The following INTS2 variants were observed in gnomAD, a reference collection of about 807,000 sequenced individuals.
INTS2 encodes integrator complex subunit 2.
Under a neutral mutation model 139.6 loss-of-function variants are expected in INTS2, and 57 were observed. The observed-to-expected ratio is 0.41, with a 90% CI of 0.33 to 0.51. INTS2 has a LOEUF of 0.51. INTS2 is among the 20% of genes least tolerant of loss of function. INTS2 has a pLI of 0.28. For missense variants in INTS2, 1,196 were observed against 1,436.7 expected (o/e 0.83, Z 2.71); for synonymous variants, 473 against 493.4 (o/e 0.96, Z 0.55).
At chr17:61,895,501 A>C (rs1328466390) in intron 11 of INTS2, 118 bp from the exon 12 acceptor site, 1 of 569,970 alleles carries the variant, frequency 1.8e-6, no homozygotes, top group African/African-American at 2.0e-5. Flanking sequence ...CAAGTACTCT[A>C]CTCTGTTTTA....
At chr17:61,919,973 T>C (rs2079622280) in intron 4 of INTS2, among the ~76,000 whole-genome samples, 1 of 152,108 alleles carries the variant, frequency 6.6e-6, no homozygotes, top group Non-Finnish European at 1.5e-5. Context: ...TTTCTTTTCA[T>C]AGTCTAGAAC....
Position 61,867,733 on chromosome 17 carries a change from C to T in INTS2, c.3422-7G>A, listed in dbSNP as rs1448057656. The T allele has an allele frequency of 6.4e-7, 1 of 1,573,732 alleles. No individual in the cohort carries two copies. The stretch of plus-strand genomic sequence containing the variant: ...TCCTTTATTTGTTGAAGACCTACAA[C>T]ATAAGGGAAAAAAAACATTAAGGCC... On this transcript the variant is annotated splice_polypyrimidine_tract_variant and splice_region_variant and intron_variant, in intron 24 of 24. Transcript: ENST00000251334. The surrounding 1 kb of genome is among the most constrained non-coding windows in gnomAD (Gnocchi z 5.6).
intron 11 of INTS2, 69 bp from the exon 12 acceptor site, chr17:61,895,452 A>G: frequency 4.5e-6 from 4 of 887,720 alleles, no homozygotes; most frequent in Non-Finnish European, 6.9e-6. Flanking sequence ...TAGGGAACTT[A>G]TCTAAAATGG....
chr17:61,911,474 G>A, intron 7 of INTS2, 46 bp downstream of exon 7: 1 of 1,512,122 alleles, frequency 6.6e-7, no homozygotes, highest in South Asian at 1.3e-5. Flanking sequence ...TTTAGCAGCT[G>A]CTAAAGTATT....
At chr17:61,927,130 C>T (rs2079724252) in intron 1 of INTS2, 1 of 188,828 alleles carries the variant, frequency 5.3e-6, no homozygotes, top group African/African-American at 2.4e-5. Flanking sequence ...ACATGCCTAC[C>T]CCGATATACA....
intron 1 of INTS2, chr17:61,926,973 T>C: frequency 2.7e-6 from 1 of 376,624 alleles, no homozygotes; most frequent in South Asian, 2.6e-5. Flanking sequence ...GTATTACTAG[T>C]TAGAGGCACA....
At position 61,925,095 on chromosome 17, in the gene INTS2, T is replaced by C; in HGVS notation, c.298A>G (p.Lys100Glu). ...DASKEQQLRH[K>E]LGGGSGESIL... is the part of the protein sequence containing the mutation. ...CTCTCTCCACTGCCTCCTCCAAGTTTATGCCTAATGAAGTACAAAACATGT... is the reference window on the plus strand; with the variant it reads ...CTCTCTCCACTGCCTCCTCCAAGTTCATGCCTAATGAAGTACAAAACATGT... The change falls in exon 3 of 25, where the codon AAA (lysine) becomes GAA (glutamate). Residue 100 changes from lysine (K) to glutamate (E), a missense_variant. Physicochemically the swap from Lys to Glu is moderately conservative, Grantham distance 56. Around this residue, in one of 3 missense-constraint regions of INTS2, gnomAD observed 1,129 missense variants for 1,341.9 expected, o/e 0.84. Coordinates refer to ENST00000251334, the MANE Select transcript of INTS2 (RefSeq NM_001351695.2). The C allele has an allele frequency of 6.2e-7, 1 of 1,613,322 alleles. No homozygotes were observed. Among genetic ancestry groups the C allele is most frequent in the Non-Finnish European group, 8.5e-7 (1 of 1,179,336 alleles).
In INTS2 at chr17:61,876,615, G is replaced by A. The variant is rs1464225692; in HGVS notation, c.2456+1272C>T. On this transcript the variant is annotated intron_variant, in intron 18 of 24. Coordinates refer to ENST00000251334, the MANE Select transcript of INTS2 (RefSeq NM_001351695.2). The surrounding 1 kb of genome is among the most constrained non-coding windows in gnomAD (Gnocchi z 4.1). ...GCACCACCATGCCCTGCTAATTTTT[G>A]TATTTTTTGTAGAGACGGGGTTTCA... is the stretch of plus-strand genomic sequence containing the variant. 6.6e-6 allele frequency among the ~76,000 whole-genome samples: 1 copy of A among 152,016 alleles called. No homozygotes were observed. Among genetic ancestry groups the A allele is most frequent in the Non-Finnish European group, 1.5e-5 (1 of 67,970 alleles).
intron 5 of INTS2, among the ~76,000 whole-genome samples, chr17:61,912,601 C>T (rs560896367): frequency 2.2e-4 from 34 of 151,570 alleles, no homozygotes; most frequent in African/African-American, 7.3e-4. Flanking sequence ...CAGCCTGGGG[C>T]GACAAAAGCG....
chr17:61,882,825 T>G lies in INTS2; in HGVS notation c.2090-1654A>C, dbSNP rs1398881027. Among the ~76,000 whole-genome samples the G allele has an allele frequency of 1.3e-5, 2 of 152,204 alleles. No homozygotes were observed. Among genetic ancestry groups the G allele is most frequent in the Non-Finnish European group, 1.5e-5 (1 of 68,038 alleles). On this transcript the variant is annotated intron_variant, in intron 16 of 24. Transcript: ENST00000251334. The surrounding 1 kb of genome is among the most constrained non-coding windows in gnomAD (Gnocchi z 4.7). ...TTCACACATAAGTACCTAATAAATA[T>G]TGTTGCTACCATACTATTATCATCA...
At chr17:61,911,808 C>A in intron 6 of INTS2, 115 bp from the exon 7 acceptor site, 1 of 1,420,578 alleles carries the variant, frequency 7.0e-7, no homozygotes, top group East Asian at 2.3e-5. Flanking sequence ...AACATAAAAA[C>A]CCAGAGAGGA....
intron 16 of INTS2, 115 bp downstream of exon 16, chr17:61,884,786 C>T: frequency 1.5e-6 from 1 of 689,170 alleles, no homozygotes; most frequent in Non-Finnish European, 2.5e-6. Flanking sequence ...AGAGGAATTT[C>T]ACTCTTGAAC....
At position 61,871,241 on chromosome 17, in the gene INTS2, C is replaced by T. The variant is rs927852511; in HGVS notation, c.2778+1024G>A. On this transcript the variant is annotated intron_variant, in intron 20 of 24. Coordinates refer to ENST00000251334, the MANE Select transcript of INTS2 (RefSeq NM_001351695.2). The surrounding 1 kb of genome is among the most constrained non-coding windows in gnomAD (Gnocchi z 4.9). ...GTTCAAGCCATTCTCCTGCCTCAGC[C>T]TCCCAAGTAGCTGGGACTACAGGTT... Among the ~76,000 whole-genome samples the T allele has an allele frequency of 6.6e-6, 1 of 152,172 alleles. No individual in the cohort carries two copies. Among genetic ancestry groups the T allele is most frequent in the African/African-American group, 2.4e-5 (1 of 41,432 alleles).
chr17:61,913,593 G>C (rs1436979615), intron 5 of INTS2, among the ~76,000 whole-genome samples: 2 of 152,088 alleles, frequency 1.3e-5, no homozygotes, highest in Non-Finnish European at 2.9e-5. Context: ...TGGGATTACA[G>C]GTGTGAGCCA....
chr17:61,889,058 CCAAAA>C (rs1471862430), intron 15 of INTS2, among the ~76,000 whole-genome samples: 1 of 133,978 alleles, frequency 7.5e-6, no homozygotes. Context: ...AAAAAACAAA[CCAAAA>C]CAAAACAAAA....
At chr17:61,896,246 A>C (rs2079347644) in intron 11 of INTS2, among the ~76,000 whole-genome samples, 1 of 150,808 alleles carries the variant, frequency 6.6e-6, no homozygotes, top group Non-Finnish European at 1.5e-5. Flanking sequence ...TCTCAAAAAA[A>C]AAAAACAAAA....
At chr17:61,923,430 T>C (rs1039212980) in intron 3 of INTS2, among the ~76,000 whole-genome samples, 1 of 144,914 alleles carries the variant, frequency 6.9e-6, no homozygotes, top group Admixed American at 7.0e-5. Flanking sequence ...TGAGCCGAGA[T>C]TGTGCCACTG....
intron 14 of INTS2, 80 bp downstream of exon 14, chr17:61,891,433 T>C (rs1230635341): frequency 9.2e-7 from 1 of 1,082,852 alleles, no homozygotes; most frequent in Non-Finnish European, 1.4e-6. Context: ...AGTCCTCTGA[T>C]AGGAAAATAA....
At chr17:61,911,266 T>A (rs909624495) in intron 7 of INTS2, 5 of 444,132 alleles carry the variant, frequency 1.1e-5, no homozygotes, top group African/African-American at 2.0e-5. Context: ...CTGTTCCTAT[T>A]TTTAAAAGAA....
Sources: gnomAD v4.1 joint callset for allele counts (sites outside exome capture counted in the v4.1 genomes callset) on GRCh38, gnomAD v4.1.1 for gene constraint, gnomAD v4.1.1 regional missense constraint, Gnocchi (gnomAD v3.1) non-coding constraint, MANE v1.5 for transcripts, NCBI Gene and HGNC (gene_info 2026-07-23, HGNC 2026-07-21) for gene names.